The following RGS6 variants were observed in gnomAD, a reference collection of about 807,000 sequenced individuals.
RGS6 encodes the protein regulator of G-protein signaling 6.
Under a neutral mutation model 78.5 loss-of-function variants are expected in RGS6, and 30 were observed. The ratio of observed to expected loss-of-function variants is 0.38; its 90% CI spans 0.29 to 0.52. The LOEUF (loss-of-function observed/expected upper bound fraction) is 0.52, where lower values mean the gene tolerates loss of function less well. Ranked by LOEUF, RGS6 falls within the 20% of genes least tolerant of loss-of-function variation. The pLI is 0.85. For missense variants in RGS6, 495 were observed against 609.7 expected (o/e 0.81, Z 1.98); for synonymous variants, 206 against 206.0 (o/e 1.00, Z 0.00).
At chr14:72,464,469 C>A (rs1170741559) in intron 6 of RGS6, among the ~76,000 whole-genome samples, 2 of 152,166 alleles carry the variant, frequency 1.3e-5, no homozygotes, top group Admixed American at 6.5e-5. Flanking sequence ...AGCTTCCAGG[C>A]TCCAAAATGT....
chr14:72,432,723 G>A (rs140783953), intron 3 of RGS6, among the ~76,000 whole-genome samples: 3 of 152,318 alleles, frequency 2.0e-5, no homozygotes, highest in East Asian at 3.9e-4. Context: ...TCCAGAAAGT[G>A]TGGATGAGTG....
At chr14:72,297,230 A>C (rs1203681473) in intron 2 of RGS6, among the ~76,000 whole-genome samples, 3 of 152,024 alleles carry the variant, frequency 2.0e-5, no homozygotes, top group African/African-American at 7.2e-5. Context: ...TTGTTCTTCT[A>C]TTTCAAGAAT....
chr14:72,485,918 A>G (rs896470619), intron 12 of RGS6, among the ~76,000 whole-genome samples: 1 of 152,194 alleles, frequency 6.6e-6, no homozygotes, highest in African/African-American at 2.4e-5. Flanking sequence ...CTTTGTGACT[A>G]TACAACTTTG....
At chr14:71,901,805 G>T in the RGS6 span, among the ~76,000 whole-genome samples, 1 of 152,098 alleles carries the variant, frequency 6.6e-6, no homozygotes, top group East Asian at 1.9e-4. Flanking sequence ...ATACTTGTTG[G>T]TCATTGGGTG....
chr14:72,338,018 A>G (rs1209245101), intron 2 of RGS6, among the ~76,000 whole-genome samples: 1 of 152,218 alleles, frequency 6.6e-6, no homozygotes, highest in Non-Finnish European at 1.5e-5. Context: ...AAGAATTTGG[A>G]AGTTTAAAAA....
At chr14:72,101,281 CT>C (rs1344267543) in intron 2 of RGS6, among the ~76,000 whole-genome samples, 3 of 152,166 alleles carry the variant, frequency 2.0e-5, no homozygotes, top group Non-Finnish European at 4.4e-5. Flanking sequence ...TGAAACAGGT[CT>C]ACTGAGATGT....
At chr14:72,205,561 A>G (rs925348943) in intron 2 of RGS6, among the ~76,000 whole-genome samples, 4 of 152,214 alleles carry the variant, frequency 2.6e-5, no homozygotes, top group African/African-American at 9.6e-5. Context: ...TTCCAGCCAT[A>G]TCTTTATACT....
chr14:72,419,419 G>T (rs907928383), intron 3 of RGS6, among the ~76,000 whole-genome samples: 1 of 152,216 alleles, frequency 6.6e-6, no homozygotes. Flanking sequence ...GCCAGGCTTT[G>T]AACTCAGGCA....
At chr14:72,154,191 C>T (rs763381779) in intron 2 of RGS6, among the ~76,000 whole-genome samples, 11 of 152,142 alleles carry the variant, frequency 7.2e-5, no homozygotes, top group South Asian at 2.1e-4. Context: ...TGCCTGACCC[C>T]GCAGGCAGTC....
chr14:72,150,386 A>G (rs2096666715), intron 2 of RGS6, among the ~76,000 whole-genome samples: 1 of 152,146 alleles, frequency 6.6e-6, no homozygotes, highest in South Asian at 2.1e-4. Flanking sequence ...CTCAGAGAGA[A>G]TAAATTTCTG....
At chr14:72,520,806 C>T (rs141828204) in intron 15 of RGS6, among the ~76,000 whole-genome samples, 107 of 152,310 alleles carry the variant, frequency 7.0e-4, no homozygotes, top group African/African-American at 2.5e-3. Context: ...TTGCTGATTA[C>T]TTTTATTGAT....
chr14:72,348,572 T>C (rs570134361), intron 2 of RGS6, among the ~76,000 whole-genome samples: 74 of 152,304 alleles, frequency 4.9e-4, no homozygotes, highest in African/African-American at 1.8e-3. Flanking sequence ...TAGTGGACTG[T>C]GCTCAAGAAT....
intron 3 of RGS6, among the ~76,000 whole-genome samples, chr14:72,411,886 T>A (rs2093440780): frequency 1.3e-5 from 2 of 152,368 alleles, no homozygotes; most frequent in Non-Finnish European, 2.9e-5. Flanking sequence ...TTTTCGTATG[T>A]TGAACCAGCC....
chr14:72,142,271 C>T (rs1389682805), intron 2 of RGS6, among the ~76,000 whole-genome samples: 1 of 151,130 alleles, frequency 6.6e-6, no homozygotes, highest in East Asian at 1.9e-4. Flanking sequence ...ATTCTTATAC[C>T]ACATTTAAGA....
chr14:72,431,953 A>C (rs1309783396), intron 3 of RGS6, among the ~76,000 whole-genome samples: 1 of 152,108 alleles, frequency 6.6e-6, no homozygotes, highest in East Asian at 1.9e-4. Context: ...AGGGGAATTT[A>C]GGGGATATTG....
chr14:72,575,109 C>T, the RGS6 span, among the ~76,000 whole-genome samples: 1 of 152,008 alleles, frequency 6.6e-6, no homozygotes, highest in Non-Finnish European at 1.5e-5. Context: ...AGCTGGCAGC[C>T]TAGGAGTGAG....
intron 2 of RGS6, among the ~76,000 whole-genome samples, chr14:72,283,974 T>C (rs996209619): frequency 6.6e-6 from 1 of 152,188 alleles, no homozygotes; most frequent in African/African-American, 2.4e-5. Flanking sequence ...GGAGTAAAAG[T>C]GACTCTTGCT....
intron 3 of RGS6, among the ~76,000 whole-genome samples, chr14:72,371,425 A>C (rs187034912): frequency 2.6e-5 from 4 of 152,350 alleles, no homozygotes; most frequent in African/African-American, 9.6e-5. Context: ...ATACCATACA[A>C]ACCCCTAATT....
At chr14:72,037,327 TG>T (rs1028448125) in intron 2 of RGS6, among the ~76,000 whole-genome samples, 31 of 152,208 alleles carry the variant, frequency 2.0e-4, no homozygotes, top group Non-Finnish European at 3.7e-4. Context: ...ATCTTGCTGC[TG>T]CTCACTCTTT....
Sources: allele counts gnomAD v4.1 joint callset (sites outside exome capture counted in the v4.1 genomes callset), GRCh38; gene constraint gnomAD v4.1.1; transcripts MANE v1.5; gene names NCBI Gene and HGNC (gene_info 2026-07-23, HGNC 2026-07-21).